Variants in LAMB2 observed in about 807,000 individuals in gnomAD.
The protein encoded by LAMB2 is laminin subunit beta-2.
LAMB2 carries 119 observed loss-of-function variants against 202.7 expected under a neutral mutation model. The ratio of observed to expected loss-of-function variants is 0.59; its 90% CI spans 0.51 to 0.68. The LOEUF (loss-of-function observed/expected upper bound fraction) is 0.68, where lower values mean the gene tolerates loss of function less well. LAMB2 is among the 30% of genes least tolerant of loss of function. The pLI is 0.00. For missense variants in LAMB2, 2,124 were observed against 2,410.6 expected, an observed-to-expected ratio of 0.88 and a Z score of 2.49; for synonymous variants, 818 against 902.2, an observed-to-expected ratio of 0.91 and a Z score of 1.67.
rs544982873 is a variant in LAMB2 at position 49,128,800 on chromosome 3, C to T, written c.1751G>A (p.Arg584His). 4.3e-6 allele frequency: 7 copies of T among 1,613,300 alleles called. No individual in the cohort carries two copies. The highest frequency in any genetic ancestry group is 2.2e-5 in the East Asian group (1 of 44,866). ...TGGAGTTTCCCCGGGGGTCACCAGG[C>T]GCTCCACCACATCGAGCACCTGGGA... ...TRGQVLDVVERLVTPGETPSW... is the reference protein window; with the variant it reads ...TRGQVLDVVEHLVTPGETPSW... The change falls in exon 14 of 32, where the codon CGC becomes CAC. Residue 584 changes from arginine (R) to histidine (H), a missense_variant. Physicochemically the swap from Arg to His is conservative, Grantham distance 29 (BLOSUM62 0). Around this residue, in one of 3 missense-constraint regions of LAMB2, gnomAD observed 1,702 missense variants for 1,896.3 expected, o/e 0.90. Transcript: ENST00000305544.
rs2045479329 is a variant in LAMB2 at position 49,131,350 on chromosome 3, G to A, written c.712+29C>T. On this transcript the variant is annotated intron_variant, in intron 6 of 31. Transcript: ENST00000305544. This position sits in a 1 kb window ranked among gnomAD's most constrained non-coding sequence, Gnocchi z 5.0. ...AATAGTCCCTAGCCGGACACGGACT[G>A]TGCCAGACTCAAAGGGTGGAGCACT... 1.2e-6 allele frequency: 2 copies of A among 1,610,500 alleles called. No homozygotes were observed. The highest frequency in any genetic ancestry group is 1.7e-6 in the Non-Finnish European group (2 of 1,176,928).
chr3:49,124,225 T>C lies in LAMB2; in HGVS notation c.3389A>G (p.Glu1130Gly). 1 of 1,613,970 alleles carries C rather than the reference T, an allele frequency of 6.2e-7. No individual in the cohort carries two copies. ...FGGRTCSECQELHWGDPGLQC... is the reference protein window; with the variant it reads ...FGGRTCSECQGLHWGDPGLQC... ...CAACCCAGGGTCTCCCCAGTGGAGC[T>C]CTTGGCACTCAGAACAAGTCCGCCC... Residue 1130 changes from glutamate (E) to glycine (G), a missense_variant, in exon 23 of 32, where the codon GAG becomes GGG. Physicochemically the swap from Glu to Gly is moderately conservative, Grantham distance 98. Transcript: ENST00000305544.
Position 49,131,336 on chromosome 3 carries a change from G to C in LAMB2, c.712+43C>G, listed in dbSNP as rs1356936036. The C allele has an allele frequency of 6.2e-7, 1 of 1,601,268 alleles. No individual in the cohort carries two copies. Among genetic ancestry groups the C allele is most frequent in the Non-Finnish European group, 8.6e-7 (1 of 1,168,838 alleles). Reference sequence around the variant, plus strand: ...TTACTGAGGCCCCAAATAGTCCCTAGCCGGACACGGACTGTGCCAGACTCA... The same window carrying C: ...TTACTGAGGCCCCAAATAGTCCCTACCCGGACACGGACTGTGCCAGACTCA... On this transcript the variant is annotated intron_variant, in intron 6 of 31. Transcript: ENST00000305544. This position sits in a 1 kb window ranked among gnomAD's most constrained non-coding sequence, Gnocchi z 5.0.
chr3:49,132,089 C>G lies in LAMB2; in HGVS notation c.459+27G>C. 1.9e-6 allele frequency: 3 copies of G among 1,608,310 alleles called. No homozygotes were observed. Among genetic ancestry groups the G allele is most frequent in the Non-Finnish European group, 2.6e-6 (3 of 1,174,926 alleles). On this transcript the variant is annotated intron_variant, in intron 4 of 31. Coordinates refer to ENST00000305544, the MANE Select transcript of LAMB2 (RefSeq NM_002292.4). The surrounding 1 kb of genome is among the most constrained non-coding windows in gnomAD (Gnocchi z 4.6). ...CAATGGAGAGCCAAGCAGGGTGATT[C>G]GGGCAGGCTCCCAGATATGCAGGCA... is the stretch of plus-strand genomic sequence containing the variant.
Position 49,125,988 on chromosome 3 carries a change from G to A in LAMB2, c.2323C>T (p.Leu775Phe). The change falls in exon 17 of 32, where the codon CTC (leucine) becomes TTC (phenylalanine). Residue 775 changes from leucine to phenylalanine, a missense_variant. Physicochemically the swap from Leu to Phe is conservative, Grantham distance 22. Coordinates refer to ENST00000305544, the MANE Select transcript of LAMB2 (RefSeq NM_002292.4). ...CAPLLISLST[L>F]IYNGALPCQC... ...TCACGCAGGGCACCATTGTAGATGA[G>A]GGTGGACAGGCTGATGAGGAGGGGT... The A allele has an allele frequency of 1.2e-6, 2 of 1,614,204 alleles. No homozygotes were observed. The highest frequency in any genetic ancestry group is 1.7e-6 in the Non-Finnish European group (2 of 1,180,030).
At position 49,123,282 on chromosome 3, in the gene LAMB2, C is replaced by T; in HGVS notation, c.4074G>A (p.Val1358=). The change falls in exon 26 of 32, where the codon GTG becomes GTA. Residue 1358 remains valine, a synonymous_variant. Transcript: ENST00000305544. Reference sequence around the variant, plus strand: ...GATGCCGAGCACTTGCCGAGTTGCTCACAGGGCTAGGTACTGCCAGGGCTG... The same window carrying T: ...GATGCCGAGCACTTGCCGAGTTGCTTACAGGGCTAGGTACTGCCAGGGCTG... The part of the protein sequence containing the change: ...NTSALAVPSP[V]SNSASARHRT... 6.2e-7 allele frequency: 1 copy of T among 1,614,122 alleles called. No individual in the cohort carries two copies. Among genetic ancestry groups the T allele is most frequent in the Non-Finnish European group, 8.5e-7 (1 of 1,180,048 alleles).
chr3:49,125,270 C>A lies in LAMB2; in HGVS notation c.2703G>T (p.Gly901=). Residue 901 remains glycine, a synonymous_variant, in exon 19 of 32, where the codon GGG becomes GGT. Transcript: ENST00000305544. ...AGTCTCACCTTTCACAGTGCTCACC[C>A]CCTGTGTGATCACGGCAGCCCAGGC... ...GACLGCRDHT[G]GEHCERCIAG... 1 of 1,614,002 alleles carries A rather than the reference C, an allele frequency of 6.2e-7. No homozygotes were observed. Among genetic ancestry groups the A allele is most frequent in the Non-Finnish European group, 8.5e-7 (1 of 1,180,048 alleles).
Position 49,121,127 on chromosome 3 carries a change from T to A in LAMB2, c.*99A>T, listed in dbSNP as rs1176465916. The A allele has an allele frequency of 7.2e-7, 1 of 1,390,776 alleles. No individual in the cohort carries two copies. Among genetic ancestry groups the A allele is most frequent in the Non-Finnish European group, 1.0e-6 (1 of 1,003,282 alleles). 86.2% of individuals were successfully genotyped at this position (1,390,776 alleles called of 1,614,324 possible). A position where few individuals can be genotyped will look rare whatever the true frequency, so the allele number is the denominator to read the frequency against. On this transcript the variant is annotated 3_prime_UTR_variant, in exon 32 of 32. Transcript: ENST00000305544. The stretch of plus-strand genomic sequence containing the variant: ...CAGACAACACAGTGGGGGTTCACAC[T>A]GGTTTATTGGGGGCCCTGCCGGGCC...
In LAMB2 at chr3:49,125,375, A is replaced by T; in HGVS notation, c.2598T>A (p.Arg866=). Residue 866 remains arginine (R), a synonymous_variant, in exon 19 of 32, where the codon CGT becomes CGA. Coordinates refer to ENST00000305544, the MANE Select transcript of LAMB2 (RefSeq NM_002292.4). The part of the protein sequence containing the change: ...AFGLRCDRCQ[R]GQWGFPSCRP... ...GGCAGCTAGGGAATCCCCACTGGCCACGCTGGCAGCGGTCACAGCGAAGCC... is the reference window on the plus strand; with the variant it reads ...GGCAGCTAGGGAATCCCCACTGGCCTCGCTGGCAGCGGTCACAGCGAAGCC... The T allele has an allele frequency of 6.2e-7, 1 of 1,614,060 alleles. No homozygotes were observed. Among genetic ancestry groups the T allele is most frequent in the Non-Finnish European group, 8.5e-7 (1 of 1,180,034 alleles).
rs771769006 is a variant in LAMB2, at chr3:49,122,788, T to C, written c.4489A>G (p.Lys1497Glu). 6.2e-6 allele frequency: 10 copies of C among 1,613,896 alleles called. No homozygotes were observed. Among genetic ancestry groups the C allele is most frequent in the Non-Finnish European group, 7.6e-6 (9 of 1,180,002 alleles). The change falls in exon 27 of 32, where the codon AAG (lysine) becomes GAG (glutamate). Residue 1497 changes from lysine (K) to glutamate (E), a missense_variant. This residue lies in a region of LAMB2 where 1,702 missense variants were observed against 1,896.3 expected (regional missense o/e 0.90). Coordinates refer to ENST00000305544, the MANE Select transcript of LAMB2 (RefSeq NM_002292.4). ...AQQRAQAALD[K>E]ANASRGQVEQ... ...ACCTGTCCCCTGGAAGCATTAGCCT[T>C]GTCCAGGGCTGCCTGGGCCCGCTGC... is the stretch of plus-strand genomic sequence containing the variant.
In LAMB2 at chr3:49,132,464, G is replaced by T. The variant is rs760825125; in HGVS notation, c.249+27C>A. 5.0e-6 allele frequency: 8 copies of T among 1,613,968 alleles called. No individual in the cohort carries two copies. The African/African-American group carries it at 6.7e-5, about 13-fold the overall frequency. ...GGCAGTGCCAGCCCCACCCTGACTC[G>T]GCGTCACACCCTGTCCCCAGCCACA... is the stretch of plus-strand genomic sequence containing the variant. On this transcript the variant is annotated intron_variant, in intron 2 of 31. Transcript: ENST00000305544. The surrounding 1 kb of genome is among the most constrained non-coding windows in gnomAD (Gnocchi z 4.6).
Position 49,130,933 on chromosome 3 carries a change from C to A in LAMB2, c.915+17G>T. ...CCCCTGCCCCTAGCCCTATCCCAAC[C>A]GTCTGAAGCCCCTTACCATGCCCTC... is the stretch of plus-strand genomic sequence containing the variant. On this transcript the variant is annotated intron_variant, in intron 7 of 31. Transcript: ENST00000305544. The surrounding 1 kb of genome is among the most constrained non-coding windows in gnomAD (Gnocchi z 5.0). The A allele has an allele frequency of 6.2e-7, 1 of 1,614,136 alleles. No individual in the cohort carries two copies. The highest frequency in any genetic ancestry group is 8.5e-7 in the Non-Finnish European group (1 of 1,180,044).
Position 49,132,455 on chromosome 3 carries a change from C to G in LAMB2, c.249+36G>C. 1 of 1,614,202 alleles carries G rather than the reference C, an allele frequency of 6.2e-7. No homozygotes were observed. Among genetic ancestry groups the G allele is most frequent in the Non-Finnish European group, 8.5e-7 (1 of 1,180,018 alleles). On this transcript the variant is annotated intron_variant, in intron 2 of 31. Transcript: ENST00000305544. The surrounding 1 kb of genome is among the most constrained non-coding windows in gnomAD (Gnocchi z 4.6). ...AGTGCCTCAGGCAGTGCCAGCCCCA[C>G]CCTGACTCGGCGTCACACCCTGTCC...
In LAMB2 at chr3:49,121,537, C is replaced by T. The variant is rs1188203180; in HGVS notation, c.5156G>A (p.Arg1719His). The stretch of plus-strand genomic sequence containing the variant: ...TGCAGCCAGCACACCTTGGGCCTTG[C>T]GCTCAGCTAGGGCCTTCACCGTCTG... Reference protein sequence around the residue: ...QYQTVKALAERKAQGVLAAQA... With the variant: ...QYQTVKALAEHKAQGVLAAQA... Residue 1719 changes from arginine (R) to histidine (H), a missense_variant, in exon 31 of 32, where the codon CGC (arginine) becomes CAC (histidine). Transcript: ENST00000305544. The T allele has an allele frequency of 1.2e-6, 2 of 1,614,060 alleles. No individual in the cohort carries two copies. The highest frequency in any genetic ancestry group is 1.7e-6 in the Non-Finnish European group (2 of 1,180,042).
At position 49,122,331 on chromosome 3, in the gene LAMB2, G is replaced by A. The variant is rs781065313; in HGVS notation, c.4613C>T (p.Thr1538Ile). 1 of 1,613,280 alleles carries A rather than the reference G, an allele frequency of 6.2e-7. No individual in the cohort carries two copies. The highest frequency in any genetic ancestry group is 1.3e-5 in the African/African-American group (1 of 74,932). The stretch of plus-strand genomic sequence containing the variant: ...TGGGATGGAGAGCTCTAGCACCCGT[G>A]TGGCCACCATTTCAATGCTATCAGG... ...ADPDSIEMVA[T>I]RVLELSIPAS... The change falls in exon 28 of 32, where the codon ACA becomes ATA. Residue 1538 changes from threonine (T) to isoleucine (I), a missense_variant. By Grantham distance (89) the Thr-to-Ile change is moderately conservative (BLOSUM62 -1). Transcript: ENST00000305544.
Position 49,124,687 on chromosome 3 carries a change from A to C in LAMB2, c.3109+14T>G, listed in dbSNP as rs765563806. 1.9e-6 allele frequency: 3 copies of C among 1,614,084 alleles called. No individual in the cohort carries two copies. Among genetic ancestry groups the C allele is most frequent in the Non-Finnish European group, 2.5e-6 (3 of 1,179,972 alleles). ...AACCCCAATTCAGCCATGCCCTCCCACACTCATACTCACGGTGACAGCTCT... is the reference window on the plus strand; with the variant it reads ...AACCCCAATTCAGCCATGCCCTCCCCCACTCATACTCACGGTGACAGCTCT... On this transcript the variant is annotated intron_variant, in intron 21 of 31. Coordinates refer to ENST00000305544, the MANE Select transcript of LAMB2 (RefSeq NM_002292.4).
intron 15 of LAMB2, among the ~76,000 whole-genome samples, chr3:49,126,849 A>C (rs1035094031): frequency 5.3e-5 from 8 of 151,940 alleles, no homozygotes; most frequent in South Asian, 2.1e-4. Flanking sequence ...CTTCATCAAC[A>C]CTATGTCGCC....
In LAMB2 at chr3:49,128,573, A is replaced by G; in HGVS notation, c.1903T>C (p.Trp635Arg). Residue 635 changes from tryptophan (W) to arginine (R), a missense_variant, in exon 15 of 32, where the codon TGG becomes CGG. Physicochemically the swap from Trp to Arg is moderately radical, Grantham distance 101. Around this residue, in one of 3 missense-constraint regions of LAMB2, gnomAD observed 1,702 missense variants for 1,896.3 expected, o/e 0.90. Transcript: ENST00000305544. ...TGCACAATCAGTTCCAACTCTGCCC[A>G]TTGCTCAGGGACCTGGGAAAACGGG... ...LRLEPQVPEQ[W>R]AELELIVQRP... 1.2e-6 allele frequency: 2 copies of G among 1,614,232 alleles called. No individual in the cohort carries two copies. The highest frequency in any genetic ancestry group is 1.1e-5 in the South Asian group (1 of 91,088).
intron 25 of LAMB2, 27 bp from the exon 26 acceptor site, chr3:49,123,400 G>A: frequency 6.2e-7 from 1 of 1,614,010 alleles, no homozygotes; most frequent in Non-Finnish European, 8.5e-7. Context: ...CAGACAGTCA[G>A]CTGAAGACTG....
Sources: allele counts gnomAD v4.1 joint callset (sites outside exome capture counted in the v4.1 genomes callset), GRCh38; gene constraint gnomAD v4.1.1; regional missense constraint gnomAD v4.1.1; non-coding constraint Gnocchi (gnomAD v3.1); transcripts MANE v1.5; gene names NCBI Gene and HGNC (gene_info 2026-07-23, HGNC 2026-07-21).